The following ME1 variants were observed in gnomAD, a reference collection of about 807,000 sequenced individuals.
The protein encoded by ME1 is NADP-dependent malic enzyme.
Under a neutral mutation model 66.4 loss-of-function variants are expected in ME1, and 74 were observed. The ratio of observed to expected loss-of-function variants is 1.11; its 90% CI spans 0.92 to 1.35. The LOEUF is 1.35. ME1 is among the 40% of genes most tolerant of loss of function. The pLI, the probability that ME1 is intolerant of heterozygous loss-of-function variation, is 0.00. For synonymous variants in ME1, 251 were observed against 235.6 expected (o/e 1.07, Z -0.60); for missense variants, 750 against 694.1 (o/e 1.08, Z -0.90).
intron 12 of ME1, among the ~76,000 whole-genome samples, chr6:83,220,020 C>T (rs572369296): frequency 4.6e-5 from 7 of 152,234 alleles, no homozygotes; most frequent in East Asian, 1.9e-4. Flanking sequence ...AGTTCTATAA[C>T]GAATCAACTT....
chr6:83,342,999 T>C (rs762163482), intron 5 of ME1, among the ~76,000 whole-genome samples: 16 of 152,332 alleles, frequency 1.1e-4, no homozygotes, highest in Middle Eastern at 3.4e-3. Flanking sequence ...GCGTTATCAT[T>C]TCTATGTGTT....
At chr6:83,325,729 T>C (rs1339371037) in intron 5 of ME1, among the ~76,000 whole-genome samples, 2 of 135,090 alleles carry the variant, frequency 1.5e-5, no homozygotes, top group Admixed American at 7.0e-5. Context: ...CACAAACAAA[T>C]GGAAAAACCT....
At chr6:83,379,579 C>A (rs1488980052) in intron 3 of ME1, among the ~76,000 whole-genome samples, 1 of 151,872 alleles carries the variant, frequency 6.6e-6, no homozygotes, top group Non-Finnish European at 1.5e-5. Flanking sequence ...TTAGAAATAT[C>A]TTCATTAATG....
At chr6:83,249,751 G>T (rs1405109493) in intron 7 of ME1, among the ~76,000 whole-genome samples, 1 of 151,932 alleles carries the variant, frequency 6.6e-6, no homozygotes, top group African/African-American at 2.4e-5. Flanking sequence ...ATCCTTGAAA[G>T]TACTACATTA....
At chr6:83,216,294 T>C (rs1001205212) in intron 13 of ME1, among the ~76,000 whole-genome samples, 9 of 152,206 alleles carry the variant, frequency 5.9e-5, no homozygotes, top group African/African-American at 2.2e-4. Context: ...AATTAATTAT[T>C]CGGCCCAATA....
chr6:83,213,190 C>T (rs1789928630), intron 13 of ME1, among the ~76,000 whole-genome samples: 1 of 151,400 alleles, frequency 6.6e-6, no homozygotes, highest in African/African-American at 2.4e-5. Context: ...TTTGGGAGGC[C>T]GAGGCAGGTG....
At chr6:83,237,280 G>GAAAGAGAAAGAAAGAAAGA (rs1562455285) in intron 9 of ME1, among the ~76,000 whole-genome samples, 2 of 21,624 alleles carry the variant, frequency 9.2e-5, no homozygotes, top group African/African-American at 2.8e-4. Flanking sequence ...AGAAAGAAAG[G>GAAAGAGAAAGAAAGAAAGA]AAGGAAGGAA....
chr6:83,344,548 A>C (rs1197018866), intron 5 of ME1, among the ~76,000 whole-genome samples: 2 of 151,438 alleles, frequency 1.3e-5, no homozygotes, highest in East Asian at 3.9e-4. Flanking sequence ...ATGACAGTGC[A>C]CTCTAGCCTG....
chr6:83,226,802 G>C (rs565846715), intron 11 of ME1, among the ~76,000 whole-genome samples: 2 of 152,196 alleles, frequency 1.3e-5, no homozygotes, highest in East Asian at 3.9e-4. Context: ...CAGCATATCA[G>C]CCAAATACAT....
At chr6:83,375,853 A>G (rs1403808015) in intron 3 of ME1, among the ~76,000 whole-genome samples, 2 of 152,196 alleles carry the variant, frequency 1.3e-5, no homozygotes, top group African/African-American at 2.4e-5. Context: ...TGAAATAATC[A>G]TGTGGTTTTT....
chr6:83,383,574 C>T (rs1279956885), intron 3 of ME1, among the ~76,000 whole-genome samples: 1 of 151,756 alleles, frequency 6.6e-6, no homozygotes, highest in Non-Finnish European at 1.5e-5. Context: ...AGGCAGATGG[C>T]ATTTATTTGG....
At chr6:83,274,723 C>T (rs573038077) in intron 6 of ME1, among the ~76,000 whole-genome samples, 1 of 152,256 alleles carries the variant, frequency 6.6e-6, no homozygotes, top group South Asian at 2.1e-4. Flanking sequence ...ATTTTGAAAT[C>T]TGATATGGAA....
chr6:83,405,278 C>A (rs777824844), intron 2 of ME1, among the ~76,000 whole-genome samples: 21 of 152,086 alleles, frequency 1.4e-4, no homozygotes, highest in Non-Finnish European at 2.6e-4. Flanking sequence ...ATTGTGAATG[C>A]GAGTTCATTC....
intron 6 of ME1, among the ~76,000 whole-genome samples, chr6:83,284,439 A>T (rs1767360745): frequency 6.6e-6 from 1 of 152,134 alleles, no homozygotes; most frequent in South Asian, 2.1e-4. Flanking sequence ...AGACACAACA[A>T]AAAAAGAGAA....
chr6:83,396,185 G>T (rs574613684), intron 3 of ME1, among the ~76,000 whole-genome samples: 11 of 152,150 alleles, frequency 7.2e-5, no homozygotes, highest in Non-Finnish European at 1.3e-4. Context: ...CCAATGTGGT[G>T]AAACCCCATC....
chr6:83,357,923 C>CTA, intron 3 of ME1, among the ~76,000 whole-genome samples: 1 of 57,046 alleles, frequency 1.8e-5, no homozygotes, highest in Non-Finnish European at 3.6e-5. Flanking sequence ...CTCTCTCTCT[C>CTA]TCTCTCTCTC....
At chr6:83,376,601 G>A (rs1769295444) in intron 3 of ME1, among the ~76,000 whole-genome samples, 1 of 148,838 alleles carries the variant, frequency 6.7e-6, no homozygotes, top group African/African-American at 2.5e-5. Context: ...AGGAATCCGA[G>A]ACCAACCTGG....
intron 5 of ME1, among the ~76,000 whole-genome samples, chr6:83,328,016 C>T (rs942012449): frequency 1.3e-5 from 2 of 152,154 alleles, no homozygotes; most frequent in Non-Finnish European, 2.9e-5. Flanking sequence ...CACATGCACA[C>T]GTATGTTTAT....
At chr6:83,277,881 G>A (rs994005516) in intron 6 of ME1, among the ~76,000 whole-genome samples, 8 of 97,046 alleles carry the variant, frequency 8.2e-5, no homozygotes, top group East Asian at 5.1e-4. Context: ...CAGCTTGGGC[G>A]ATAGTGAGAC....
Sources: allele counts gnomAD v4.1 joint callset (sites outside exome capture counted in the v4.1 genomes callset), GRCh38; gene constraint gnomAD v4.1.1; transcripts MANE v1.5; gene names NCBI Gene and HGNC (gene_info 2026-07-23, HGNC 2026-07-21).